The following ARHGAP42 variants were observed in gnomAD, a reference collection of about 807,000 sequenced individuals.
ARHGAP42 encodes the protein Rho GTPase activating protein 42.
A neutral mutation model predicts 125.0 loss-of-function variants in ARHGAP42; 63 were observed. The ratio of observed to expected loss-of-function variants is 0.50; its 90% confidence interval spans 0.41 to 0.62. The LOEUF is 0.62. Among genes scored for constraint, ARHGAP42 ranks in the 20% least tolerant of loss-of-function variants. The pLI is 0.00. For synonymous variants in ARHGAP42, 339 were observed against 351.0 expected (o/e 0.97, Z 0.38); for missense variants, 766 against 1,024.2 (o/e 0.75, Z 3.44).
intron 4 of ARHGAP42, among the ~76,000 whole-genome samples, chr11:100,909,577 C>A (rs1866853821): frequency 6.6e-6 from 1 of 152,080 alleles, no homozygotes; most frequent in African/African-American, 2.4e-5. Flanking sequence ...CTCCTGACCT[C>A]GGACGATCCA....
intron 3 of ARHGAP42, among the ~76,000 whole-genome samples, chr11:100,836,725 G>GTT (rs1565234966): frequency 2.0e-5 from 2 of 101,016 alleles, no homozygotes; most frequent in African/African-American, 3.4e-5. Context: ...TTTTGTTGTT[G>GTT]TTTTCTTTTT....
At chr11:100,955,335 A>G (rs573649259) in intron 12 of ARHGAP42, among the ~76,000 whole-genome samples, 2 of 152,262 alleles carry the variant, frequency 1.3e-5, no homozygotes, top group African/African-American at 4.8e-5. Flanking sequence ...GCCAAGTATC[A>G]TTAATGTTAT....
rs539536116 is a variant in ARHGAP42 at position 100,740,396 on chromosome 11, G to A, written c.155-29947G>A. ...TCTAAAAACTGTGAAGTGAGCACTA[G>A]CGTTCTTTTATATGTAGAAAATTGA... On this transcript the variant is annotated intron_variant, in intron 1 of 23. Coordinates refer to ENST00000298815, the MANE Select transcript of ARHGAP42 (RefSeq NM_152432.4). 5.9e-5 allele frequency among the ~76,000 whole-genome samples: 9 copies of A among 152,268 alleles called. No individual in the cohort carries two copies. The South Asian group carries it at 1.9e-3, about 32-fold the overall frequency.
intron 4 of ARHGAP42, among the ~76,000 whole-genome samples, chr11:100,906,933 A>G (rs1384141133): frequency 6.6e-6 from 1 of 152,150 alleles, no homozygotes; most frequent in Non-Finnish European, 1.5e-5. Context: ...TTCTGTTTCC[A>G]CAGGTAACAA....
At chr11:100,899,054 T>C (rs1326964771) in intron 4 of ARHGAP42, among the ~76,000 whole-genome samples, 1 of 152,212 alleles carries the variant, frequency 6.6e-6, no homozygotes, top group Non-Finnish European at 1.5e-5. Flanking sequence ...TTTGTTCTCA[T>C]TGGTTTCAAA....
intron 19 of ARHGAP42, 38 bp downstream of exon 19, chr11:100,974,641 TC>T: frequency 6.6e-7 from 1 of 1,523,536 alleles, no homozygotes; most frequent in Non-Finnish European, 8.8e-7. Context: ...CTTTCTTCAT[TC>T]TTTGGTTCAG....
chr11:100,979,042 T>A lies in ARHGAP42; in HGVS notation c.2449T>A (p.Ser817Thr). ...TGTTGGTTCACCTAAACCAGTTTCT[T>A]CTGGGCGGTAAGTTCTCCAAACCCT... is the stretch of plus-strand genomic sequence containing the variant. ...ENVGSPKPVS[S>T]GRQAKAMYSC... Residue 817 changes from serine to threonine, a missense_variant, in exon 22 of 24, where the codon TCT becomes ACT. By Grantham distance (58) the Ser-to-Thr change is moderately conservative. This residue lies in a region of ARHGAP42 where 308 missense variants were observed against 369.7 expected (regional missense o/e 0.83). Coordinates refer to ENST00000298815, the MANE Select transcript of ARHGAP42 (RefSeq NM_152432.4). 1 of 1,551,576 alleles carries A rather than the reference T, an allele frequency of 6.4e-7. No individual in the cohort carries two copies. The highest frequency in any genetic ancestry group is 8.7e-7 in the Non-Finnish European group (1 of 1,146,812).
intron 3 of ARHGAP42, among the ~76,000 whole-genome samples, chr11:100,815,262 T>TTCTA (rs1864241048): frequency 6.6e-6 from 1 of 152,222 alleles, no homozygotes; most frequent in African/African-American, 2.4e-5. Flanking sequence ...TAGACATCCT[T>TTCTA]GCACTGTTAT....
chr11:100,712,736 T>C (rs924629750), intron 1 of ARHGAP42, among the ~76,000 whole-genome samples: 2 of 152,182 alleles, frequency 1.3e-5, no homozygotes, highest in East Asian at 3.8e-4. Flanking sequence ...TTACTGAGAA[T>C]TGATCAGGTA....
At chr11:100,699,608 T>C (rs1481140778) in intron 1 of ARHGAP42, among the ~76,000 whole-genome samples, 1 of 139,012 alleles carries the variant, frequency 7.2e-6, no homozygotes, top group Non-Finnish European at 1.5e-5. Context: ...CTGCAACCTC[T>C]GCCTCCTGGG....
intron 8 of ARHGAP42, among the ~76,000 whole-genome samples, chr11:100,937,225 C>G (rs983586345): frequency 6.6e-6 from 1 of 152,124 alleles, no homozygotes; most frequent in Non-Finnish European, 1.5e-5. Flanking sequence ...GAATGTTTCT[C>G]TCTCATAACT....
chr11:100,754,405 A>G (rs1862526959), intron 1 of ARHGAP42, among the ~76,000 whole-genome samples: 1 of 152,204 alleles, frequency 6.6e-6, no homozygotes. Context: ...TGCTTACTTT[A>G]TGATTCTCAG....
intron 1 of ARHGAP42, among the ~76,000 whole-genome samples, chr11:100,733,939 T>G (rs1862008892): frequency 6.7e-6 from 1 of 149,128 alleles, no homozygotes; most frequent in African/African-American, 2.4e-5. Context: ...TGTTTTTTTT[T>G]TTTTTTTTTT....
intron 3 of ARHGAP42, among the ~76,000 whole-genome samples, chr11:100,830,533 C>G (rs1374463395): frequency 1.3e-5 from 2 of 152,100 alleles, no homozygotes; most frequent in Non-Finnish European, 2.9e-5. Flanking sequence ...AGGCTTGCTG[C>G]GGACCTACTG....
chr11:100,848,123 T>A (rs753221720), intron 3 of ARHGAP42, among the ~76,000 whole-genome samples: 2 of 152,140 alleles, frequency 1.3e-5, no homozygotes, highest in Non-Finnish European at 2.9e-5. Flanking sequence ...AGCTTTGGGG[T>A]AAGGTACACT....
intron 1 of ARHGAP42, among the ~76,000 whole-genome samples, chr11:100,711,030 T>G (rs1447959482): frequency 1.3e-5 from 2 of 152,250 alleles, no homozygotes; most frequent in Non-Finnish European, 1.5e-5. Context: ...TACTTTGCCA[T>G]GTACACATTT....
At chr11:100,938,482 C>T (rs1867794737) in intron 8 of ARHGAP42, among the ~76,000 whole-genome samples, 1 of 152,084 alleles carries the variant, frequency 6.6e-6, no homozygotes, top group Non-Finnish European at 1.5e-5. Flanking sequence ...TCTGCATCTG[C>T]TGCATTATTT....
intron 3 of ARHGAP42, among the ~76,000 whole-genome samples, chr11:100,802,829 T>G (rs1486828723): frequency 6.6e-6 from 1 of 152,192 alleles, no homozygotes; most frequent in Non-Finnish European, 1.5e-5. Context: ...AACTTACAGC[T>G]TTGTCCTTTC....
chr11:100,924,627 G>A (rs527580346), intron 6 of ARHGAP42, among the ~76,000 whole-genome samples: 2 of 151,820 alleles, frequency 1.3e-5, no homozygotes, highest in South Asian at 2.1e-4. Context: ...AAATCGCGCC[G>A]CTGGACTCCA....
Sources: allele counts gnomAD v4.1 joint callset (sites outside exome capture counted in the v4.1 genomes callset), GRCh38; gene constraint gnomAD v4.1.1; regional missense constraint gnomAD v4.1.1; transcripts MANE v1.5; gene names NCBI Gene and HGNC (gene_info 2026-07-23, HGNC 2026-07-21).